The following SCYL2 variants were observed in gnomAD, a reference collection of about 807,000 sequenced individuals.
The protein encoded by SCYL2 is SCY1 like pseudokinase 2, also known as SCY1-like protein 2.
Under a neutral mutation model 100.4 loss-of-function variants are expected in SCYL2, and 36 were observed. The ratio of observed to expected loss-of-function variants is 0.36; its 90% CI spans 0.27 to 0.47. SCYL2 has a LOEUF of 0.47. Among genes scored for constraint, SCYL2 ranks in the 20% least tolerant of loss-of-function variants. The probability of loss-of-function intolerance (pLI) is 1.00; values close to 1 mark genes in which losing one functional copy is unlikely to be tolerated. For missense variants in SCYL2, 902 were observed against 1,083.9 expected (o/e 0.83, Z 2.36); for synonymous variants, 330 against 359.2 (o/e 0.92, Z 0.92).
chr12:100,270,286 C>T (rs188327796), intron 1 of SCYL2, among the ~76,000 whole-genome samples: 2 of 152,136 alleles, frequency 1.3e-5, no homozygotes, highest in Admixed American at 6.5e-5. Context: ...CGCGCCTGGC[C>T]GAGATTTTAT....
At chr12:100,278,630 CTTTTT>C (rs66782127) in intron 1 of SCYL2, among the ~76,000 whole-genome samples, 1 of 120,520 alleles carries the variant, frequency 8.3e-6, no homozygotes, top group Non-Finnish European at 1.7e-5. Context: ...TGGGGAAATT[CTTTTT>C]TTTTTTTTTT....
In SCYL2 at chr12:100,315,679, T is replaced by C. The variant is rs765473940; in HGVS notation, c.1217T>C (p.Val406Ala). ...GAGGAATGCACCAAAGAAGAATATG[T>C]CAAATTAATTCTTCCTGAACTTGGC... Reference protein sequence around the residue: ...IAEECTKEEYVKLILPELGPV... With the variant: ...IAEECTKEEYAKLILPELGPV... Residue 406 changes from valine to alanine, a missense_variant, in exon 9 of 18, where the codon GTC becomes GCC. Transcript: ENST00000360820. The C allele has an allele frequency of 6.2e-7, 1 of 1,612,286 alleles. No individual in the cohort carries two copies. The highest frequency in any genetic ancestry group is 2.2e-5 in the East Asian group (1 of 44,842).
At chr12:100,326,972 G>A (rs965795705) in intron 12 of SCYL2, among the ~76,000 whole-genome samples, 2 of 152,072 alleles carry the variant, frequency 1.3e-5, no homozygotes, top group Non-Finnish European at 2.9e-5. Context: ...CTAGCTTTAC[G>A]AATATCATGA....
chr12:100,332,223 A>G (rs766575022), intron 13 of SCYL2, among the ~76,000 whole-genome samples: 2 of 152,174 alleles, frequency 1.3e-5, no homozygotes, highest in Non-Finnish European at 2.9e-5. Flanking sequence ...CAGTGTCCAG[A>G]GTTTTCAATG....
At chr12:100,301,519 C>T (rs779103732) in intron 4 of SCYL2, among the ~76,000 whole-genome samples, 1 of 152,106 alleles carries the variant, frequency 6.6e-6, no homozygotes, top group Non-Finnish European at 1.5e-5. Context: ...TCCCATTTGT[C>T]CGTTTTTGCT....
At chr12:100,322,719 G>A (rs997862562) in intron 10 of SCYL2, among the ~76,000 whole-genome samples, 1 of 151,984 alleles carries the variant, frequency 6.6e-6, no homozygotes, top group Non-Finnish European at 1.5e-5. Flanking sequence ...TATTAGCTGG[G>A]TGTGTTGGCA....
intron 4 of SCYL2, among the ~76,000 whole-genome samples, chr12:100,298,473 T>C (rs2096323607): frequency 6.6e-6 from 1 of 152,234 alleles, no homozygotes; most frequent in Non-Finnish European, 1.5e-5. Context: ...AACATTCAAT[T>C]GAAATAAAGT....
intron 5 of SCYL2, 151 bp downstream of exon 5, chr12:100,311,344 C>T: frequency 1.7e-6 from 1 of 579,076 alleles, no homozygotes; most frequent in East Asian, 3.4e-5. Context: ...TAAGAGTATT[C>T]TTCGGCACAT....
chr12:100,287,489 G>A (rs980113281), intron 2 of SCYL2, among the ~76,000 whole-genome samples: 2 of 152,072 alleles, frequency 1.3e-5, no homozygotes. Flanking sequence ...TATAAATTAG[G>A]TCTGTATCAA....
chr12:100,312,614 G>A lies in SCYL2; in HGVS notation c.813G>A (p.Lys271=), dbSNP rs1338551770. ...NKGKPIFEVN[K]QDIYKSFSRQ... ...GGAAACCTATATTTGAAGTCAACAA[G>A]CAAGATATTTACAAGAGTTTCAGTA... The change falls in exon 6 of 18, where the codon AAG becomes AAA. Residue 271 remains lysine, a synonymous_variant. Transcript: ENST00000360820. 6.2e-7 allele frequency: 1 copy of A among 1,612,736 alleles called. No individual in the cohort carries two copies. The highest frequency in any genetic ancestry group is 8.5e-7 in the Non-Finnish European group (1 of 1,179,192).
chr12:100,274,228 T>C (rs78533799), intron 1 of SCYL2, among the ~76,000 whole-genome samples: 1,846 of 152,342 alleles, frequency 0.012, 39 homozygotes, highest in African/African-American at 0.043. Flanking sequence ...ATCAGTGGTC[T>C]TCAAATATTT....
At chr12:100,332,725 T>A (rs925672793) in intron 13 of SCYL2, among the ~76,000 whole-genome samples, 1 of 151,290 alleles carries the variant, frequency 6.6e-6, no homozygotes, top group Non-Finnish European at 1.5e-5. Flanking sequence ...TTTGTTTTTT[T>A]TTTTTTTGAG....
chr12:100,290,817 TG>T (rs537915923), intron 2 of SCYL2, among the ~76,000 whole-genome samples: 139 of 152,290 alleles, frequency 9.1e-4, no homozygotes, highest in Non-Finnish European at 1.6e-3. Flanking sequence ...GTTTTTTTAT[TG>T]ATTTGTTAAG....
chr12:100,294,386 A>AC (rs1566351274), intron 3 of SCYL2, among the ~76,000 whole-genome samples: 3 of 82,968 alleles, frequency 3.6e-5, no homozygotes, highest in African/African-American at 4.8e-5. Flanking sequence ...CGGGGGGCTG[A>AC]CCCCCCCACC....
chr12:100,325,468 G>C (rs572794487), intron 11 of SCYL2, among the ~76,000 whole-genome samples: 1 of 152,170 alleles, frequency 6.6e-6, no homozygotes, highest in Non-Finnish European at 1.5e-5. Flanking sequence ...GTGGATTTTA[G>C]ATAGTACTTT....
At chr12:100,305,643 AAGATT>A (rs2096333320) in intron 4 of SCYL2, among the ~76,000 whole-genome samples, 1 of 152,068 alleles carries the variant, frequency 6.6e-6, no homozygotes, top group East Asian at 1.9e-4. Context: ...ATAAATAACT[AAGATT>A]AGAGCAGAAC....
chr12:100,300,339 A>G (rs903519202), intron 4 of SCYL2, among the ~76,000 whole-genome samples: 6 of 152,146 alleles, frequency 3.9e-5, no homozygotes, highest in African/African-American at 1.4e-4. Context: ...TACCATCTTA[A>G]CCATTTTTAA....
At chr12:100,314,748 AACT>A (rs1265439121) in intron 8 of SCYL2, 134 bp downstream of exon 8, 1 of 868,822 alleles carries the variant, frequency 1.2e-6, no homozygotes, top group Non-Finnish European at 1.7e-6. Flanking sequence ...AAACACTGCC[AACT>A]GAAGCCAAAA....
chr12:100,312,220 A>G (rs989213116), intron 5 of SCYL2, among the ~76,000 whole-genome samples: 1 of 152,212 alleles, frequency 6.6e-6, no homozygotes, highest in Admixed American at 6.5e-5. Context: ...GTCTTCCGGA[A>G]GAGACTCCAG....
Sources: gnomAD v4.1 joint callset for allele counts (sites outside exome capture counted in the v4.1 genomes callset) on GRCh38, gnomAD v4.1.1 for gene constraint, MANE v1.5 for transcripts, NCBI Gene and HGNC (gene_info 2026-07-23, HGNC 2026-07-21) for gene names.